PHF14: variants seen among roughly 807,000 people sequenced by gnomAD.
PHF14 encodes the protein PHD finger protein 14.
PHF14 carries 55 observed loss-of-function variants against 117.9 expected under a neutral mutation model. The observed-to-expected ratio is 0.47, with a 90% confidence interval of 0.38 to 0.58. PHF14 has a LOEUF of 0.58. Among genes scored for constraint, PHF14 ranks in the 20% least tolerant of loss-of-function variants. The pLI, the probability that PHF14 is intolerant of heterozygous loss-of-function variation, is 0.00. For synonymous variants in PHF14, 409 were observed against 368.6 expected, an observed-to-expected ratio of 1.11 and a Z score of -1.26; for missense variants, 978 against 1,122.2, an observed-to-expected ratio of 0.87 and a Z score of 1.84.
At chr7:11,107,254 A>G (rs755849690) in intron 16 of PHF14, 13 of 980,142 alleles carry the variant, frequency 1.3e-5, no homozygotes, top group Admixed American at 6.2e-5. Flanking sequence ...TATATGGATC[A>G]TAGCACATAT....
chr7:11,006,262 A>G (rs1783088540), intron 4 of PHF14: 1 of 367,194 alleles, frequency 2.7e-6, no homozygotes, highest in Non-Finnish European at 5.3e-6. Flanking sequence ...CTTATTAAGA[A>G]TGAAGTTTGG....
chr7:11,024,691 T>G (rs1030715081), intron 6 of PHF14, among the ~76,000 whole-genome samples: 2 of 152,222 alleles, frequency 1.3e-5, no homozygotes, highest in African/African-American at 4.8e-5. Flanking sequence ...TACTGGATAT[T>G]TTAAGCCCCT....
intron 17 of PHF14, among the ~76,000 whole-genome samples, chr7:11,136,486 C>T (rs1258678539): frequency 1.3e-5 from 2 of 152,014 alleles, no homozygotes; most frequent in Non-Finnish European, 2.9e-5. Context: ...TTCATTTCAC[C>T]ATTCACAAGT....
At chr7:11,154,272 ATG>A (rs543261785) in intron 17 of PHF14, among the ~76,000 whole-genome samples, 1 of 151,556 alleles carries the variant, frequency 6.6e-6, no homozygotes, top group Non-Finnish European at 1.5e-5. Context: ...CCACTTGAGT[ATG>A]TGTGTGTGTG....
chr7:11,159,015 A>G (rs964275323), intron 17 of PHF14, among the ~76,000 whole-genome samples: 28 of 152,220 alleles, frequency 1.8e-4, no homozygotes, highest in African/African-American at 5.1e-4. Context: ...CTGGCCTCAG[A>G]AGTAATAATA....
chr7:11,031,054 A>T (rs1219991611), intron 7 of PHF14, among the ~76,000 whole-genome samples: 1 of 152,204 alleles, frequency 6.6e-6, no homozygotes, highest in Non-Finnish European at 1.5e-5. Flanking sequence ...CACATTTTAA[A>T]CTAAAATAGA....
At chr7:11,058,359 T>A (rs994698345) in intron 14 of PHF14, among the ~76,000 whole-genome samples, 1 of 152,194 alleles carries the variant, frequency 6.6e-6, no homozygotes, top group Non-Finnish European at 1.5e-5. Context: ...TAAGCAGTTA[T>A]GAATTTTCGT....
At chr7:11,093,383 G>A (rs2995878) in intron 16 of PHF14, among the ~76,000 whole-genome samples, 72,578 of 151,914 alleles carry the variant, frequency 0.48, 17,968 homozygotes, top group East Asian at 0.85. Context: ...CTGTTAGTAT[G>A]GGGGAGTTGA....
At position 10,990,800 on chromosome 7, in the gene PHF14, C is replaced by T. The variant is rs756350052; in HGVS notation, c.998C>T (p.Ala333Val). ...CVCLGDNSEDADEIIQCDNCG... is the reference protein window; with the variant it reads ...CVCLGDNSEDVDEIIQCDNCG... ...TGTCTGGGAGATAATAGTGAGGACGCTGATGAAATAATTCAGTGTGACAAT... is the reference window on the plus strand; with the variant it reads ...TGTCTGGGAGATAATAGTGAGGACGTTGATGAAATAATTCAGTGTGACAAT... The change falls in exon 4 of 18, where the codon GCT becomes GTT. Residue 333 changes from alanine to valine, a missense_variant. Physicochemically the swap from Ala to Val is moderately conservative, Grantham distance 64 (BLOSUM62 0). This residue lies in a region of PHF14 where 86 missense variants were observed against 137.8 expected (regional missense o/e 0.62). Transcript: ENST00000634607. The T allele has an allele frequency of 1.3e-6, 2 of 1,589,584 alleles. No homozygotes were observed. The highest frequency in any genetic ancestry group is 1.3e-5 in the African/African-American group (1 of 74,672).
Position 11,074,345 on chromosome 7 carries a change from G to A in PHF14, c.2654+12260G>A, listed in dbSNP as rs1785745216. On this transcript the variant is annotated intron_variant, in intron 16 of 17. Transcript: ENST00000634607. ...CCTGCCTCAGCCTCCTGAGTAGCTG[G>A]GACTACAGGCGCCTGCCACCACGCC... is the stretch of plus-strand genomic sequence containing the variant. Among the ~76,000 whole-genome samples the A allele has an allele frequency of 2.6e-5, 4 of 151,806 alleles. No homozygotes were observed. The South Asian group carries it at 8.3e-4, about 32-fold the overall frequency.
intron 4 of PHF14, among the ~76,000 whole-genome samples, chr7:11,008,494 A>G (rs1407735952): frequency 5.3e-5 from 8 of 152,078 alleles, no homozygotes; most frequent in Admixed American, 1.3e-4. Context: ...AAGCGCGAAC[A>G]CTATTGTGAA....
chr7:10,996,499 A>G (rs1017099631), intron 4 of PHF14, among the ~76,000 whole-genome samples: 2 of 152,236 alleles, frequency 1.3e-5, no homozygotes, highest in African/African-American at 2.4e-5. Context: ...GAGAGTCAGT[A>G]AATGTGTCAA....
chr7:11,010,433 T>C (rs758001976), intron 4 of PHF14, among the ~76,000 whole-genome samples: 3 of 152,052 alleles, frequency 2.0e-5, no homozygotes, highest in Non-Finnish European at 4.4e-5. Context: ...TGTTATAGTC[T>C]AACTCCTTTT....
intron 9 of PHF14, 62 bp from the exon 10 acceptor site, chr7:11,036,923 G>C (rs1042050650): frequency 1.8e-6 from 2 of 1,137,634 alleles, no homozygotes; most frequent in Admixed American, 2.6e-5. Context: ...TTTATAGCTA[G>C]TTTCTTCCTA....
At chr7:11,051,092 G>A (rs1452965621) in intron 13 of PHF14, among the ~76,000 whole-genome samples, 1 of 152,134 alleles carries the variant, frequency 6.6e-6, no homozygotes, top group Non-Finnish European at 1.5e-5. Context: ...CCAGGCTGGA[G>A]TGCAGTGTTG....
Position 11,063,504 on chromosome 7 carries a change from A to G in PHF14, c.2654+1419A>G, listed in dbSNP as rs146111536. 284 of 982,978 alleles carry G rather than the reference A, an allele frequency of 2.9e-4. 1 individual carries two copies. The East Asian group carries it at 0.019, about 66-fold the overall frequency. 60.9% of individuals were successfully genotyped at this position (982,978 alleles called of 1,614,324 possible). ...GGGGTTGAGGGTGGAGTTGAGGACT[A>G]TGATTTTGAAACAGTAGTTAAAAAC... On this transcript the variant is annotated intron_variant, in intron 16 of 17. Coordinates refer to ENST00000634607, the MANE Select transcript of PHF14 (RefSeq NM_001007157.2).
chr7:10,989,147 A>G (rs1306074190), intron 3 of PHF14, among the ~76,000 whole-genome samples: 1 of 152,190 alleles, frequency 6.6e-6, no homozygotes, highest in Non-Finnish European at 1.5e-5. Flanking sequence ...AAATGATACT[A>G]TATTCTTGTT....
intron 11 of PHF14, among the ~76,000 whole-genome samples, chr7:11,039,701 G>A (rs1257735998): frequency 6.6e-6 from 1 of 152,186 alleles, no homozygotes; most frequent in Non-Finnish European, 1.5e-5. Flanking sequence ...ATTTTAAGAA[G>A]TGATACATAC....
intron 16 of PHF14, among the ~76,000 whole-genome samples, chr7:11,088,354 C>A (rs59808302): frequency 0.014 from 2,155 of 151,974 alleles, 46 homozygotes; most frequent in African/African-American, 0.05. Context: ...ATATGGAGGG[C>A]AGACTGTATT....
Sources: allele counts gnomAD v4.1 joint callset (sites outside exome capture counted in the v4.1 genomes callset), GRCh38; gene constraint gnomAD v4.1.1; regional missense constraint gnomAD v4.1.1; transcripts MANE v1.5; gene names NCBI Gene and HGNC (gene_info 2026-07-23, HGNC 2026-07-21).